The following GSG1L variants were observed in gnomAD, a reference collection of about 807,000 sequenced individuals.
GSG1L encodes the protein germ cell-specific gene 1-like protein.
Under a neutral mutation model 42.1 loss-of-function variants are expected in GSG1L, and 24 were observed. The ratio of observed to expected loss-of-function variants is 0.57; its 90% CI spans 0.41 to 0.80. GSG1L has a LOEUF of 0.80. GSG1L is among the 30% of genes least tolerant of loss of function. The probability of loss-of-function intolerance (pLI) is 0.00; values close to 1 mark genes in which losing one functional copy is unlikely to be tolerated. For synonymous variants in GSG1L, 215 were observed against 203.5 expected, an observed-to-expected ratio of 1.06 and a Z score of -0.48; for missense variants, 445 against 472.2, an observed-to-expected ratio of 0.94 and a Z score of 0.53.
At chr16:27,959,250 G>C (rs921095401) in intron 2 of GSG1L, among the ~76,000 whole-genome samples, 1 of 150,590 alleles carries the variant, frequency 6.6e-6, no homozygotes, top group Non-Finnish European at 1.5e-5. Context: ...TTGAGTCCAG[G>C]AGTTTGAGAC....
intron 2 of GSG1L, among the ~76,000 whole-genome samples, chr16:27,928,067 C>T (rs2084615413): frequency 6.6e-6 from 1 of 152,210 alleles, no homozygotes; most frequent in South Asian, 2.1e-4. Flanking sequence ...CCCCCAGTCC[C>T]TGAGAAAGTG....
chr16:28,014,654 A>ATTT (rs3033619), intron 1 of GSG1L, among the ~76,000 whole-genome samples: 6 of 73,432 alleles, frequency 8.2e-5, no homozygotes, highest in Admixed American at 1.8e-4. Context: ...CAGGCACGCT[A>ATTT]TTTTTTTTTT....
intron 2 of GSG1L, among the ~76,000 whole-genome samples, chr16:27,886,368 A>T (rs1043940740): frequency 2.8e-4 from 43 of 152,308 alleles, no homozygotes; most frequent in African/African-American, 1.0e-3. Flanking sequence ...TGAACCCAGG[A>T]GGCAGAGGTT....
intron 1 of GSG1L, among the ~76,000 whole-genome samples, chr16:27,966,606 A>G (rs999097776): frequency 6.6e-6 from 1 of 152,224 alleles, no homozygotes; most frequent in Non-Finnish European, 1.5e-5. Context: ...CCTTATGTCT[A>G]CAAGAAGCTT....
At chr16:27,949,091 A>T (rs564178059) in intron 2 of GSG1L, among the ~76,000 whole-genome samples, 2 of 150,904 alleles carry the variant, frequency 1.3e-5, no homozygotes, top group Admixed American at 1.3e-4. Context: ...CTAATTTTTT[A>T]TTTTTTTAGA....
chr16:27,888,667 G>A (rs1458732915), intron 2 of GSG1L, among the ~76,000 whole-genome samples: 1 of 150,576 alleles, frequency 6.6e-6, no homozygotes, highest in Non-Finnish European at 1.5e-5. Context: ...ACCCAGGCTG[G>A]AGTGCAGTGG....
At chr16:27,984,782 G>A (rs1303949224) in intron 1 of GSG1L, among the ~76,000 whole-genome samples, 1 of 151,380 alleles carries the variant, frequency 6.6e-6, no homozygotes, top group Admixed American at 6.6e-5. Context: ...TTTGGAGACA[G>A]CATCTTGCTC....
At chr16:28,024,248 T>C (rs1027627918) in intron 1 of GSG1L, among the ~76,000 whole-genome samples, 7 of 152,150 alleles carry the variant, frequency 4.6e-5, no homozygotes, top group Non-Finnish European at 8.8e-5. Context: ...AGCCCAGCTC[T>C]GGGGCTGGCA....
intron 3 of GSG1L, among the ~76,000 whole-genome samples, chr16:27,882,450 G>A (rs544644976): frequency 7.4e-6 from 1 of 134,908 alleles, no homozygotes; most frequent in African/African-American, 2.7e-5. Context: ...GTAAAATCCA[G>A]ACTCTATAAA....
chr16:27,937,442 AT>A (rs981985771), intron 2 of GSG1L, among the ~76,000 whole-genome samples: 2 of 152,126 alleles, frequency 1.3e-5, no homozygotes, highest in African/African-American at 4.8e-5. Context: ...GGGTTTCACC[AT>A]GTTGGCCAGG....
chr16:27,998,591 C>A (rs78510383), intron 1 of GSG1L, among the ~76,000 whole-genome samples: 6,407 of 152,120 alleles, frequency 0.042, 473 homozygotes, highest in African/African-American at 0.15. Flanking sequence ...AGCTCAAGGG[C>A]AGCCTGGGCA....
At chr16:27,979,659 GAA>G (rs1478748150) in intron 1 of GSG1L, among the ~76,000 whole-genome samples, 31 of 59,132 alleles carry the variant, frequency 5.2e-4, no homozygotes, top group Non-Finnish European at 8.0e-4. Flanking sequence ...AAGAAAGAAA[GAA>G]AGAGAGAGAG....
chr16:27,924,595 T>C (rs1360910433), intron 2 of GSG1L, among the ~76,000 whole-genome samples: 1 of 152,172 alleles, frequency 6.6e-6, no homozygotes, highest in Admixed American at 6.5e-5. Flanking sequence ...GAGACCTGAA[T>C]TGACTTAGCT....
At chr16:27,828,752 C>A in intron 5 of GSG1L, 37 bp downstream of exon 5, 3 of 1,592,450 alleles carry the variant, frequency 1.9e-6, no homozygotes, top group South Asian at 2.2e-5. Context: ...GCTTTAGAGT[C>A]CCCGTGGTGG....
chr16:27,812,047 C>A (rs373860866), intron 5 of GSG1L, among the ~76,000 whole-genome samples: 1 of 152,162 alleles, frequency 6.6e-6, no homozygotes, highest in South Asian at 2.1e-4. Context: ...GGAAGTGGGG[C>A]CCTGTGAGCA....
chr16:28,040,697 G>A lies in GSG1L; in HGVS notation c.349+22379C>T, dbSNP rs1454935085. Among the ~76,000 whole-genome samples, 1 of 152,190 alleles carries A rather than the reference G, an allele frequency of 6.6e-6. No homozygotes were observed. The highest frequency in any genetic ancestry group is 1.9e-4 in the East Asian group (1 of 5,190). Reference sequence around the variant, plus strand: ...AGGCCTGAGAGCCTTCCCTCCACTGGGCTCTGGCCCCTCTGGGCTTGCAGG... The same window carrying A: ...AGGCCTGAGAGCCTTCCCTCCACTGAGCTCTGGCCCCTCTGGGCTTGCAGG... On this transcript the variant is annotated intron_variant, in intron 1 of 6. Transcript: ENST00000447459. The surrounding 1 kb of genome is among the most constrained non-coding windows in gnomAD (Gnocchi z 4.1).
At chr16:27,951,372 C>T (rs1007135627) in intron 2 of GSG1L, among the ~76,000 whole-genome samples, 1 of 152,192 alleles carries the variant, frequency 6.6e-6, no homozygotes, top group Non-Finnish European at 1.5e-5. Flanking sequence ...TCCTGCCTTT[C>T]TGTGTCTTGA....
intron 1 of GSG1L, among the ~76,000 whole-genome samples, chr16:28,010,338 C>A (rs1001000739): frequency 6.6e-6 from 1 of 152,184 alleles, no homozygotes; most frequent in Admixed American, 6.5e-5. Flanking sequence ...ACCCCAAATG[C>A]AGAGGCAGGT....
intron 1 of GSG1L, among the ~76,000 whole-genome samples, chr16:28,020,317 G>A (rs901939230): frequency 3.9e-5 from 6 of 152,144 alleles, no homozygotes; most frequent in African/African-American, 1.2e-4. Context: ...GTTATAAGGG[G>A]TGTCATTCCA....
Sources: gnomAD v4.1 joint callset for allele counts (sites outside exome capture counted in the v4.1 genomes callset) on GRCh38, gnomAD v4.1.1 for gene constraint, Gnocchi (gnomAD v3.1) non-coding constraint, MANE v1.5 for transcripts, NCBI Gene and HGNC (gene_info 2026-07-23, HGNC 2026-07-21) for gene names.